The following RABEP1 variants were observed in gnomAD, a reference collection of about 807,000 sequenced individuals.
The protein encoded by RABEP1 is rab GTPase-binding effector protein 1.
Under a neutral mutation model 123.4 loss-of-function variants are expected in RABEP1, and 51 were observed. The observed-to-expected ratio is 0.41, with a 90% CI of 0.33 to 0.52. RABEP1 has a LOEUF of 0.52. RABEP1 is among the 20% of genes least tolerant of loss of function. RABEP1 has a pLI of 0.16. For synonymous variants in RABEP1, 347 were observed against 355.2 expected (o/e 0.98, Z 0.26); for missense variants, 888 against 996.3 (o/e 0.89, Z 1.46).
At position 5,332,048 on chromosome 17, in the gene RABEP1, T is replaced by C; in HGVS notation, c.263T>C (p.Ile88Thr). Residue 88 changes from isoleucine to threonine, a missense_variant, in exon 3 of 18, where the codon ATT becomes ACT. Physicochemically the swap from Ile to Thr is moderately conservative, Grantham distance 89. Transcript: ENST00000537505. Reference protein sequence around the residue: ...LWEAQAEMENIKAIATVSENT... With the variant: ...LWEAQAEMENTKAIATVSENT... ...GAAGCTCAAGCAGAGATGGAGAATA[T>C]TAAGGCGATTGCCACAGTCTCTGAG... The C allele has an allele frequency of 6.2e-7, 1 of 1,614,012 alleles. No individual in the cohort carries two copies. Among genetic ancestry groups the C allele is most frequent in the Non-Finnish European group, 8.5e-7 (1 of 1,179,998 alleles).
chr17:5,340,740 A>G (rs1907525729), intron 5 of RABEP1, among the ~76,000 whole-genome samples: 2 of 151,672 alleles, frequency 1.3e-5, no homozygotes. Context: ...TGAGGTCAGG[A>G]GTTCGAGACC....
chr17:5,377,163 G>A lies in RABEP1; in HGVS notation c.2073G>A (p.Val691=). 6.2e-7 allele frequency: 1 copy of A among 1,609,958 alleles called. No individual in the cohort carries two copies. Among genetic ancestry groups the A allele is most frequent in the Non-Finnish European group, 8.5e-7 (1 of 1,179,092 alleles). ...VLKYREDIIN[V]RTAADHVEEK... ...AATACCGTGAGGACATCATTAATGT[G>A]CGGACAGCAGCAGACCACGTAGAAG... The change falls in exon 14 of 18, where the codon GTG becomes GTA. Residue 691 remains valine, a synonymous_variant. Transcript: ENST00000537505.
chr17:5,383,398 G>C lies in RABEP1; in HGVS notation c.*175G>C, dbSNP rs944329572. ...TGCGGCACAGGAAACAGCAAACAGTGGGGTGATCTGCAGCCCAGAGACCTT... is the reference window on the plus strand; with the variant it reads ...TGCGGCACAGGAAACAGCAAACAGTCGGGTGATCTGCAGCCCAGAGACCTT... On this transcript the variant is annotated 3_prime_UTR_variant, in exon 18 of 18. Coordinates refer to ENST00000537505, the MANE Select transcript of RABEP1 (RefSeq NM_004703.6). 3.4e-6 allele frequency: 2 copies of C among 586,472 alleles called. No individual in the cohort carries two copies. Among genetic ancestry groups the C allele is most frequent in the Non-Finnish European group, 6.0e-6 (2 of 331,096 alleles). 36.3% of individuals were successfully genotyped at this position (586,472 alleles called of 1,614,324 possible).
chr17:5,324,488 G>A (rs538358748), intron 2 of RABEP1, among the ~76,000 whole-genome samples: 1 of 152,284 alleles, frequency 6.6e-6, no homozygotes, highest in African/African-American at 2.4e-5. Context: ...GCCACTAGAG[G>A]AAAACACTTG....
intron 14 of RABEP1, among the ~76,000 whole-genome samples, chr17:5,377,826 G>A (rs916510997): frequency 8.5e-5 from 13 of 152,084 alleles, no homozygotes; most frequent in African/African-American, 2.4e-4. Context: ...GCGCCTGGCC[G>A]AAAACTCGTC....
rs921412744 is a variant in RABEP1 at position 5,348,550 on chromosome 17, G to C, written c.784+1625G>C. Among the ~76,000 whole-genome samples the C allele has an allele frequency of 2.0e-5, 3 of 151,852 alleles. No homozygotes were observed. The East Asian group carries it at 5.8e-4, about 29-fold the overall frequency. ...ATCTGGGCAGTTCGGATCCTCTGAA[G>C]GTTTTTTATTTTCTCTTTTTTTTTG... On this transcript the variant is annotated intron_variant, in intron 6 of 17. Transcript: ENST00000537505.
At chr17:5,363,183 G>A (rs1276085809) in intron 10 of RABEP1, among the ~76,000 whole-genome samples, 167 bp downstream of exon 10, 1 of 151,710 alleles carries the variant, frequency 6.6e-6, no homozygotes, top group Non-Finnish European at 1.5e-5. Context: ...ATTTCCAGTG[G>A]GAGCTCACTA....
At position 5,386,319 on chromosome 17, in the gene RABEP1, T is replaced by G. The variant is rs757050648; in HGVS notation, c.*3096T>G. The G allele has an allele frequency of 7.4e-7, 1 of 1,346,506 alleles. No individual in the cohort carries two copies. The highest frequency in any genetic ancestry group is 1.0e-6 in the Non-Finnish European group (1 of 956,242). 83.4% of individuals were successfully genotyped at this position (1,346,506 alleles called of 1,614,324 possible). A position where few individuals can be genotyped will look rare whatever the true frequency, so the allele number is the denominator to read the frequency against. On this transcript the variant is annotated 3_prime_UTR_variant, in exon 18 of 18. Coordinates refer to ENST00000537505, the MANE Select transcript of RABEP1 (RefSeq NM_004703.6). ...TTTTGGAATTATAATAAACCATTTA[T>G]ATGGATTCTTAAGAATTTAAACTGG...
intron 6 of RABEP1, among the ~76,000 whole-genome samples, 164 bp from the exon 7 acceptor site, chr17:5,350,287 G>A (rs1359645683): frequency 2.0e-5 from 3 of 152,138 alleles, no homozygotes; most frequent in Non-Finnish European, 4.4e-5. Context: ...GGCTGAGGCA[G>A]GAGAATGGCG....
chr17:5,368,293 ATAGT>A (rs146449419), intron 11 of RABEP1, 73 bp from the exon 12 acceptor site: 26,521 of 1,014,060 alleles, frequency 0.026, 912 homozygotes, highest in East Asian at 0.12. Flanking sequence ...CAGACACTAA[ATAGT>A]TAGAAGATGG....
At chr17:5,313,437 T>C (rs2075264415) in intron 2 of RABEP1, among the ~76,000 whole-genome samples, 1 of 152,240 alleles carries the variant, frequency 6.6e-6, no homozygotes, top group African/African-American at 2.4e-5. Flanking sequence ...TTTGTTTTGC[T>C]TTCTTTTTCT....
At chr17:5,322,411 A>G (rs1029447262) in intron 2 of RABEP1, among the ~76,000 whole-genome samples, 1 of 152,160 alleles carries the variant, frequency 6.6e-6, no homozygotes, top group South Asian at 2.1e-4. Context: ...ATATAATAAT[A>G]AAGGGGTCAA....
At chr17:5,380,291 C>T in intron 15 of RABEP1, 73 bp from the exon 16 acceptor site, 1 of 1,007,472 alleles carries the variant, frequency 9.9e-7, no homozygotes, top group Non-Finnish European at 1.5e-6. Flanking sequence ...TCTCCAGGCT[C>T]TAGGCTCTTT....
intron 2 of RABEP1, among the ~76,000 whole-genome samples, chr17:5,323,258 T>C (rs1186338901): frequency 6.6e-6 from 1 of 152,156 alleles, no homozygotes; most frequent in Non-Finnish European, 1.5e-5. Context: ...AGCATCATAC[T>C]GGATGGGGAA....
At position 5,383,652 on chromosome 17, in the gene RABEP1, G is replaced by A. The variant is rs1360321252; in HGVS notation, c.*429G>A. On this transcript the variant is annotated 3_prime_UTR_variant, in exon 18 of 18. Coordinates refer to ENST00000537505, the MANE Select transcript of RABEP1 (RefSeq NM_004703.6). ...TAGAGCTCATCAGTAACAGTATTCA[G>A]TTAGCAGACAGAAGTGTAGTATGCT... The A allele has an allele frequency of 1.7e-5, 4 of 240,922 alleles. No homozygotes were observed. The highest frequency in any genetic ancestry group is 5.9e-5 in the East Asian group (1 of 16,862). The allele number at this position is 240,922 out of a possible 1,614,324, so 14.9% of individuals were successfully genotyped here. A position where few individuals can be genotyped will look rare whatever the true frequency, so the allele number is the denominator to read the frequency against.
At chr17:5,334,705 T>A (rs1203114657) in intron 3 of RABEP1, among the ~76,000 whole-genome samples, 8 of 152,188 alleles carry the variant, frequency 5.3e-5, no homozygotes, top group Non-Finnish European at 8.8e-5. Context: ...GCGATTTTTT[T>A]AAAGACCTTA....
chr17:5,293,323 C>CTA (rs1314679372), intron 1 of RABEP1, among the ~76,000 whole-genome samples: 1 of 152,046 alleles, frequency 6.6e-6, no homozygotes, highest in Non-Finnish European at 1.5e-5. Flanking sequence ...ATCTTTCTCT[C>CTA]TATATATATC....
chr17:5,349,757 A>G lies in RABEP1; in HGVS notation c.785-694A>G, dbSNP rs140016350. Among the ~76,000 whole-genome samples the G allele has an allele frequency of 9.7e-4, 148 of 152,156 alleles. 1 individual carries two copies. The highest frequency in any genetic ancestry group is 3.4e-3 in the African/African-American group (143 of 41,506). On this transcript the variant is annotated intron_variant, in intron 6 of 17. Coordinates refer to ENST00000537505, the MANE Select transcript of RABEP1 (RefSeq NM_004703.6). ...TTGTCAAATAAATTTGGGAAAGGCT[A>G]TATTATATATTACCTTCCAAGAAAA...
chr17:5,355,380 G>C (rs537618732), intron 8 of RABEP1, among the ~76,000 whole-genome samples: 30 of 152,202 alleles, frequency 2.0e-4, no homozygotes, highest in African/African-American at 6.7e-4. Context: ...CTTGTTATCA[G>C]TGAAGGAACT....
Sources: allele counts gnomAD v4.1 joint callset (sites outside exome capture counted in the v4.1 genomes callset), GRCh38; gene constraint gnomAD v4.1.1; transcripts MANE v1.5; gene names NCBI Gene and HGNC (gene_info 2026-07-23, HGNC 2026-07-21).